The following TOP1MT variants were observed in gnomAD, a reference collection of about 807,000 sequenced individuals.
The protein encoded by TOP1MT is DNA topoisomerase I, mitochondrial.
In TOP1MT, 80 loss-of-function variants were observed where a neutral mutation model predicts 73.9. The observed-to-expected ratio is 1.08, with a 90% confidence interval of 0.90 to 1.30. The LOEUF is 1.30. Among genes scored for constraint, TOP1MT ranks in the 50% most tolerant of loss-of-function variants. The pLI is 0.00. For synonymous variants in TOP1MT, 338 were observed against 326.4 expected, an observed-to-expected ratio of 1.04 and a Z score of -0.38; for missense variants, 815 against 808.0, an observed-to-expected ratio of 1.01 and a Z score of -0.10.
intron 1 of TOP1MT, among the ~76,000 whole-genome samples, chr8:143,333,159 GAT>G (rs1306921445): frequency 2.0e-5 from 3 of 152,036 alleles, no homozygotes; most frequent in Non-Finnish European, 2.9e-5. Flanking sequence ...GGAACTAACT[GAT>G]AGGAGCCAGG....
chr8:143,316,119 G>T lies in TOP1MT; in HGVS notation c.1338C>A (p.Asp446Glu). Residue 446 changes from aspartate (D) to glutamate (E), a missense_variant, in exon 11 of 14, where the codon GAC becomes GAA. Physicochemically the swap from Asp to Glu is conservative, Grantham distance 45. Transcript: ENST00000329245. ...AGGATAAGATCTTAGCTGCTATGCTGTCCTCGGCTGAGAGGCACGGGCTGT... is the reference window on the plus strand; with the variant it reads ...AGGATAAGATCTTAGCTGCTATGCTTTCCTCGGCTGAGAGGCACGGGCTGT... Reference protein sequence around the residue: ...EQLRALTRAEDSIAAKILSYN... With the variant: ...EQLRALTRAEESIAAKILSYN... 1.9e-6 allele frequency: 3 copies of T among 1,614,140 alleles called. No homozygotes were observed. The highest frequency in any genetic ancestry group is 2.5e-6 in the Non-Finnish European group (3 of 1,179,984).
Position 143,329,561 on chromosome 8 carries a change from C to T in TOP1MT, c.239-90G>A, listed in dbSNP as rs183235161. ...ACCTCATTGCTTTAAACTACGCTTT[C>T]GTGCGTACTATGCCAAGAGCAAGAA... On this transcript the variant is annotated intron_variant, in intron 2 of 13. Transcript: ENST00000329245. The T allele has an allele frequency of 4.7e-5, 69 of 1,464,286 alleles. No individual in the cohort carries two copies. The East Asian group carries it at 7.5e-4, about 16-fold the overall frequency. 90.7% of individuals were successfully genotyped at this position (1,464,286 alleles called of 1,614,324 possible). A position where few individuals can be genotyped will look rare whatever the true frequency, so the allele number is the denominator to read the frequency against.
intron 8 of TOP1MT, among the ~76,000 whole-genome samples, chr8:143,319,743 G>A (rs1816276812): frequency 1.3e-5 from 2 of 152,122 alleles, no homozygotes; most frequent in Admixed American, 1.3e-4. Context: ...GAGGAAAGAG[G>A]GCAGCCCCTC....
chr8:143,322,012 C>T (rs1466839491), intron 7 of TOP1MT, among the ~76,000 whole-genome samples: 2 of 116,372 alleles, frequency 1.7e-5, no homozygotes, highest in African/African-American at 3.2e-5. Flanking sequence ...CACACATGCA[C>T]GCCACACCCA....
At chr8:143,314,644 C>T (rs1452129025) in intron 12 of TOP1MT, among the ~76,000 whole-genome samples, 3 of 151,362 alleles carry the variant, frequency 2.0e-5, no homozygotes, top group African/African-American at 4.9e-5. Context: ...ACAAAACTGG[C>T]CATGGGAAGG....
intron 2 of TOP1MT, among the ~76,000 whole-genome samples, chr8:143,342,287 G>A (rs1347189462): frequency 7.4e-6 from 1 of 135,112 alleles, no homozygotes; most frequent in African/African-American, 3.4e-5. Context: ...TAGAGACAGA[G>A]TCTCGCTGTT....
At chr8:143,334,669 C>T in intron 1 of TOP1MT, 71 bp downstream of exon 1, 1 of 1,574,610 alleles carries the variant, frequency 6.4e-7, no homozygotes, top group Non-Finnish European at 8.6e-7. Flanking sequence ...CGAGGCCTGC[C>T]ACTCCCCTTT....
chr8:143,334,562 G>A (rs1178183773), intron 1 of TOP1MT, among the ~76,000 whole-genome samples, 178 bp downstream of exon 1: 1 of 152,250 alleles, frequency 6.6e-6, no homozygotes, highest in Non-Finnish European at 1.5e-5. Flanking sequence ...GGGGGGGCCT[G>A]TACACCCCGG....
Position 143,334,803 on chromosome 8 carries a change from G to C in TOP1MT, c.59C>G (p.Pro20Arg), listed in dbSNP as rs201559470. 10,139 of 1,578,762 alleles carry C rather than the reference G, an allele frequency of 6.4e-3. 482 individuals are homozygous for C. In the African/African-American group the frequency reaches 0.12, roughly 19 times the overall value. Residue 20 changes from proline to arginine, a missense_variant, in exon 1 of 14, where the codon CCC (proline) becomes CGC (arginine). This residue lies in a region of TOP1MT where 60 missense variants were observed against 65.9 expected (regional missense o/e 0.91). Transcript: ENST00000329245. Reference sequence around the variant, plus strand: ...GACACCCCGGGAGGCCGGGCGGCGGGGGACCTCCCCGAGCAGCGTCAGAGC... The same window carrying C: ...GACACCCCGGGAGGCCGGGCGGCGGCGGACCTCCCCGAGCAGCGTCAGAGC... The part of the protein sequence containing the change: ...RAALTLLGEV[P>R]RRPASRGVPG...
Position 143,318,099 on chromosome 8 carries a change from G to A in TOP1MT, c.1147-13C>T. On this transcript the variant is annotated splice_polypyrimidine_tract_variant and intron_variant, in intron 8 of 13. Transcript: ENST00000329245. Reference sequence around the variant, plus strand: ...AGTTCTTGTACACCTGAAGGAGAAAGAAGGAATTTCAGAGGACAGAAAAAA... The same window carrying A: ...AGTTCTTGTACACCTGAAGGAGAAAAAAGGAATTTCAGAGGACAGAAAAAA... 1.2e-6 allele frequency: 2 copies of A among 1,613,688 alleles called. No homozygotes were observed. The highest frequency in any genetic ancestry group is 1.1e-5 in the South Asian group (1 of 91,068).
chr8:143,325,847 G>A (rs1178288345), intron 4 of TOP1MT, among the ~76,000 whole-genome samples: 1 of 152,202 alleles, frequency 6.6e-6, no homozygotes, highest in African/African-American at 2.4e-5. Context: ...GGAGGGCTAA[G>A]GGAATCCCTG....
At chr8:143,325,562 T>A (rs1586765467) in intron 4 of TOP1MT, 29 bp from the exon 5 acceptor site, 10 of 1,593,250 alleles carry the variant, frequency 6.3e-6, no homozygotes, top group Non-Finnish European at 7.7e-6. Flanking sequence ...CAGTGGACAT[T>A]AGCAGTGAAG....
In TOP1MT at chr8:143,309,971, C is replaced by T. The variant is rs760846815; in HGVS notation, c.1703+97G>A. ...GGGCCTGTGCTGACCCCAGGGGACA[C>T]GGGACAAGGGCAATGCTGGGACTGA... On this transcript the variant is annotated intron_variant, in intron 13 of 13. Coordinates refer to ENST00000329245, the MANE Select transcript of TOP1MT (RefSeq NM_052963.3). 3.4e-5 allele frequency: 54 copies of T among 1,596,710 alleles called. No homozygotes were observed. In the Middle Eastern group the frequency reaches 2.0e-3, roughly 58 times the overall value.
chr8:143,316,256 G>A, intron 10 of TOP1MT, 130 bp from the exon 11 acceptor site: 1 of 1,423,746 alleles, frequency 7.0e-7, no homozygotes, highest in Non-Finnish European at 9.6e-7. Flanking sequence ...GGGATGGGGA[G>A]AGTGAGGGCC....
At chr8:143,322,482 ACGCCACACGCAC>A (rs1816476294) in intron 7 of TOP1MT, among the ~76,000 whole-genome samples, 1 of 101,754 alleles carries the variant, frequency 9.8e-6, no homozygotes, top group South Asian at 3.9e-4. Context: ...CCACACAGGC[ACGCCACACGCAC>A]GCCACACACA....
At chr8:143,312,214 T>TA (rs1255523410) in intron 12 of TOP1MT, among the ~76,000 whole-genome samples, 1 of 152,146 alleles carries the variant, frequency 6.6e-6, no homozygotes, top group Non-Finnish European at 1.5e-5. Flanking sequence ...GATATTATAT[T>TA]AAATATTATT....
rs34268352 is a variant in TOP1MT at position 143,332,446 on chromosome 8, C to G, written c.123-1107G>C. The G allele has an allele frequency of 3.2e-6, 4 of 1,269,276 alleles. No homozygotes were observed. In the African/African-American group the frequency reaches 6.1e-5, roughly 19 times the overall value. 78.6% of individuals were successfully genotyped at this position (1,269,276 alleles called of 1,614,324 possible). A position where few individuals can be genotyped will look rare whatever the true frequency, so the allele number is the denominator to read the frequency against. On this transcript the variant is annotated intron_variant, in intron 1 of 13. Coordinates refer to ENST00000329245, the MANE Select transcript of TOP1MT (RefSeq NM_052963.3). ...GATGGGCACACCTTCTGAGCCTCCC[C>G]CAGACGCACAAGGACAGAAGGTTCC...
At chr8:143,310,276 C>T in intron 12 of TOP1MT, 59 bp from the exon 13 acceptor site, 2 of 1,342,276 alleles carry the variant, frequency 1.5e-6, no homozygotes, top group Non-Finnish European at 2.0e-6. Flanking sequence ...CCTGAGGAGA[C>T]CTGCACTTCT....
upstream of TOP1MT, among the ~76,000 whole-genome samples, chr8:143,348,067 C>T (rs1817258750): frequency 6.6e-6 from 1 of 152,206 alleles, no homozygotes; most frequent in Non-Finnish European, 1.5e-5. The surrounding 1 kb of genome is among the most constrained non-coding windows in gnomAD (Gnocchi z 4.6). Context: ...GGGCCTCCTT[C>T]TGTGCTAAGA....
Sources: gnomAD v4.1 joint callset for allele counts (sites outside exome capture counted in the v4.1 genomes callset) on GRCh38, gnomAD v4.1.1 for gene constraint, gnomAD v4.1.1 regional missense constraint, Gnocchi (gnomAD v3.1) non-coding constraint, MANE v1.5 for transcripts, NCBI Gene and HGNC (gene_info 2026-07-23, HGNC 2026-07-21) for gene names.